Variants in CFAP100 observed in about 807,000 individuals in gnomAD.
The protein encoded by CFAP100 is cilia and flagella associated protein 100.
In CFAP100, 70 loss-of-function variants were observed where a neutral mutation model predicts 81.5. The observed-to-expected ratio is 0.86, with a 90% CI of 0.71 to 1.05. The LOEUF (loss-of-function observed/expected upper bound fraction) is 1.05, where lower values mean the gene tolerates loss of function less well. Among genes scored for constraint, CFAP100 ranks in the 50% least tolerant of loss-of-function variants. CFAP100 has a pLI of 0.00. For missense variants in CFAP100, 811 were observed against 776.5 expected (o/e 1.04, Z -0.53); for synonymous variants, 341 against 314.8 (o/e 1.08, Z -0.88).
chr3:126,400,994 CTA>C (rs1414302253), intron 2 of CFAP100, among the ~76,000 whole-genome samples: 1 of 152,210 alleles, frequency 6.6e-6, no homozygotes, highest in Non-Finnish European at 1.5e-5. Context: ...CAGTGGAGTG[CTA>C]TTCAGCCTCA....
At chr3:126,431,542 T>C (rs1460951274) in intron 13 of CFAP100, among the ~76,000 whole-genome samples, 6 of 152,226 alleles carry the variant, frequency 3.9e-5, no homozygotes, top group Non-Finnish European at 2.9e-5. Context: ...CTGGGTGCTA[T>C]AACCTCTCCC....
At chr3:126,401,050 G>T (rs1464939682) in intron 2 of CFAP100, among the ~76,000 whole-genome samples, 1 of 152,116 alleles carries the variant, frequency 6.6e-6, no homozygotes, top group Admixed American at 6.5e-5. Context: ...CAAATGAGCT[G>T]GGAAACCTTA....
chr3:126,408,405 G>A (rs1242513310), intron 3 of CFAP100, among the ~76,000 whole-genome samples: 2 of 152,140 alleles, frequency 1.3e-5, no homozygotes, highest in African/African-American at 2.4e-5. Context: ...ATTCAAAGAA[G>A]ACCTGAGCTC....
At chr3:126,408,827 G>C (rs1377525301) in intron 3 of CFAP100, among the ~76,000 whole-genome samples, 4 of 152,152 alleles carry the variant, frequency 2.6e-5, no homozygotes, top group Non-Finnish European at 5.9e-5. Flanking sequence ...CTGTCACCCA[G>C]GCTGAGGTGC....
chr3:126,425,231 A>G (rs1013685988), intron 13 of CFAP100, among the ~76,000 whole-genome samples: 1 of 152,266 alleles, frequency 6.6e-6, no homozygotes, highest in East Asian at 1.9e-4. Flanking sequence ...GCTGGTCTTC[A>G]GCCAGCCAAG....
chr3:126,418,548 C>G, intron 6 of CFAP100, 23 bp downstream of exon 6: 1 of 1,613,934 alleles, frequency 6.2e-7, no homozygotes. Flanking sequence ...GCCCCCAGAG[C>G]GATGGATGCC....
chr3:126,406,332 T>C (rs1465439954), intron 2 of CFAP100, among the ~76,000 whole-genome samples: 2 of 152,148 alleles, frequency 1.3e-5, no homozygotes, highest in Non-Finnish European at 2.9e-5. Context: ...TGAGAAACCC[T>C]GTCTTCCCGC....
chr3:126,427,742 C>T (rs1352063021), intron 13 of CFAP100, among the ~76,000 whole-genome samples: 1 of 152,198 alleles, frequency 6.6e-6, no homozygotes, highest in Non-Finnish European at 1.5e-5. Flanking sequence ...TGTTTTGGAT[C>T]TGGCCATTCC....
chr3:126,436,228 C>A lies in CFAP100; in HGVS notation c.1723-63C>A, dbSNP rs949922236. ...GCTGGGCCTCTCCCTGCACCAGGGG[C>A]AGGGGTATATGGGCATACGGCTCAC... On this transcript the variant is annotated intron_variant, in intron 16 of 16. Coordinates refer to ENST00000352312, the MANE Select transcript of CFAP100 (RefSeq NM_182628.3). 4 of 1,307,168 alleles carry A rather than the reference C, an allele frequency of 3.1e-6. No individual in the cohort carries two copies. The Admixed American group carries it at 5.6e-5, about 18-fold the overall frequency. 81.0% of individuals were successfully genotyped at this position (1,307,168 alleles called of 1,614,324 possible).
At chr3:126,432,547 T>C (rs548664728) in intron 13 of CFAP100, among the ~76,000 whole-genome samples, 2 of 152,276 alleles carry the variant, frequency 1.3e-5, no homozygotes, top group South Asian at 4.1e-4. Context: ...TGCTGCAACA[T>C]GGAGGGACCT....
chr3:126,396,062 C>A lies in CFAP100; in HGVS notation c.49+13C>A, dbSNP rs2082882913. ...ATGACCAATGACAGTAAGTACCGGG[C>A]CAGGGTGGGCACTCTCAGAGGTCAG... On this transcript the variant is annotated intron_variant, in intron 2 of 16. Coordinates refer to ENST00000352312, the MANE Select transcript of CFAP100 (RefSeq NM_182628.3). The A allele has an allele frequency of 6.2e-7, 1 of 1,610,908 alleles. No individual in the cohort carries two copies.
At chr3:126,408,766 T>C (rs796618060) in intron 3 of CFAP100, among the ~76,000 whole-genome samples, 5 of 152,206 alleles carry the variant, frequency 3.3e-5, no homozygotes, top group African/African-American at 1.2e-4. Context: ...AAGGCAGCCA[T>C]TCACCCAATC....
intron 3 of CFAP100, among the ~76,000 whole-genome samples, chr3:126,408,012 A>G (rs1000356812): frequency 2.0e-5 from 3 of 152,170 alleles, no homozygotes; most frequent in Non-Finnish European, 4.4e-5. Flanking sequence ...CCTGTGCTCC[A>G]TGGCCCAGGC....
chr3:126,405,440 A>G (rs2083048085), intron 2 of CFAP100, among the ~76,000 whole-genome samples: 2 of 152,212 alleles, frequency 1.3e-5, no homozygotes, highest in Non-Finnish European at 2.9e-5. Context: ...AGGTGGGTGG[A>G]TCACCTGAGG....
Position 126,420,032 on chromosome 3 carries a change from G to C in CFAP100, c.955+11G>C. On this transcript the variant is annotated intron_variant, in intron 10 of 16. Coordinates refer to ENST00000352312, the MANE Select transcript of CFAP100 (RefSeq NM_182628.3). ...CCATGTGGGCCAAAGGTGAGCTGCC[G>C]CCCCCAGCCTGAGGAGGAGCCTGGC... 1 of 1,613,198 alleles carries C rather than the reference G, an allele frequency of 6.2e-7. No individual in the cohort carries two copies.
intron 3 of CFAP100, among the ~76,000 whole-genome samples, chr3:126,411,083 G>T (rs1170208880): frequency 5.9e-5 from 9 of 152,194 alleles, no homozygotes; most frequent in African/African-American, 2.2e-4. Context: ...TTTGTTGAGA[G>T]TTTTTATCAT....
intron 2 of CFAP100, among the ~76,000 whole-genome samples, chr3:126,405,554 T>C (rs2083049330): frequency 6.6e-6 from 1 of 152,050 alleles, no homozygotes; most frequent in Admixed American, 6.5e-5. Flanking sequence ...TCCCAGCTAC[T>C]TGGGAGGCTG....
Position 126,416,532 on chromosome 3 carries a change from G to C in CFAP100, c.418+24G>C, listed in dbSNP as rs377081702. 292 of 1,527,000 alleles carry C rather than the reference G, an allele frequency of 1.9e-4. 1 individual carries two copies. In the African/African-American group the frequency reaches 3.7e-3, roughly 19 times the overall value. The allele number at this position is 1,527,000 out of a possible 1,614,324, so 94.6% of individuals were successfully genotyped here. A position where few individuals can be genotyped will look rare whatever the true frequency, so the allele number is the denominator to read the frequency against. Reference sequence around the variant, plus strand: ...AGGTGCGTCCCCTCCGGCGCGGGGGGACCTGGGCCAGTGGCGTCCCACAAC... The same window carrying C: ...AGGTGCGTCCCCTCCGGCGCGGGGGCACCTGGGCCAGTGGCGTCCCACAAC... On this transcript the variant is annotated intron_variant, in intron 5 of 16. Transcript: ENST00000352312.
chr3:126,411,814 C>A (rs1323789021), intron 3 of CFAP100, among the ~76,000 whole-genome samples: 1 of 152,128 alleles, frequency 6.6e-6, no homozygotes, highest in Non-Finnish European at 1.5e-5. Flanking sequence ...CTTGGTTAAT[C>A]TTGTGAGTGG....
Sources: gnomAD v4.1 joint callset for allele counts (sites outside exome capture counted in the v4.1 genomes callset) on GRCh38, gnomAD v4.1.1 for gene constraint, MANE v1.5 for transcripts, NCBI Gene and HGNC (gene_info 2026-07-23, HGNC 2026-07-21) for gene names.